The following DOP1A variants were observed in gnomAD, a reference collection of about 807,000 sequenced individuals.
DOP1A encodes protein DOP1A.
In DOP1A, 90 loss-of-function variants were observed where a neutral mutation model predicts 267.6. That is an observed-to-expected ratio of 0.34 (90% CI 0.28 to 0.40). The LOEUF (loss-of-function observed/expected upper bound fraction) is 0.40. Among genes scored for constraint, DOP1A ranks in the 10% least tolerant of loss-of-function variants. The pLI, the probability that DOP1A is intolerant of heterozygous loss-of-function variation, is 1.00. For synonymous variants in DOP1A, 932 were observed against 999.1 expected, an observed-to-expected ratio of 0.93 and a Z score of 1.27; for missense variants, 2,437 against 2,900.4, an observed-to-expected ratio of 0.84 and a Z score of 3.67.
Position 83,138,714 on chromosome 6 carries a change from G to C in DOP1A, c.4672G>C (p.Gly1558Arg), listed in dbSNP as rs1247975461. The change falls in exon 21 of 39, where the codon GGT becomes CGT. Residue 1558 changes from glycine to arginine, a missense_variant. Coordinates refer to ENST00000349129, the MANE Select transcript of DOP1A (RefSeq NM_015018.4). ...TAAGAACCTGGTTGCTGTGGAAGAA[G>C]GTTTCTCAGAGGACAGCCTTATTAA... Reference protein sequence around the residue: ...AGKNLVAVEEGFSEDSLINFS... With the variant: ...AGKNLVAVEERFSEDSLINFS... 4 of 1,614,032 alleles carry C rather than the reference G, an allele frequency of 2.5e-6. No homozygotes were observed. Among genetic ancestry groups the C allele is most frequent in the South Asian group, 1.1e-5 (1 of 91,078 alleles).
Position 83,126,964 on chromosome 6 carries a change from G to A in DOP1A, c.1719+1231G>A, listed in dbSNP as rs1200089649. ...ATTGGGAGTGCTGATTGGTTGGCTC[G>A]GGGATGAAATCATAGGGAGTAGAAG... On this transcript the variant is annotated intron_variant, in intron 15 of 38. Transcript: ENST00000349129. 4.6e-5 allele frequency among the ~76,000 whole-genome samples: 7 copies of A among 152,172 alleles called. No individual in the cohort carries two copies. The East Asian group carries it at 7.7e-4, about 17-fold the overall frequency.
chr6:83,140,927 C>T (rs1214896077), intron 23 of DOP1A, among the ~76,000 whole-genome samples: 1 of 151,814 alleles, frequency 6.6e-6, no homozygotes, highest in Non-Finnish European at 1.5e-5. Context: ...TCCTAGAAAA[C>T]AATTTAGCAA....
rs564554331 is a variant in DOP1A, at chr6:83,133,184, A to G, written c.2769+856A>G. On this transcript the variant is annotated intron_variant, in intron 18 of 38. Coordinates refer to ENST00000349129, the MANE Select transcript of DOP1A (RefSeq NM_015018.4). Reference sequence around the variant, plus strand: ...TAACATATTTTTTCAAAATTATTCAAAAATAATAGGTAAGCACTGTATTCT... The same window carrying G: ...TAACATATTTTTTCAAAATTATTCAGAAATAATAGGTAAGCACTGTATTCT... 8.5e-5 allele frequency among the ~76,000 whole-genome samples: 13 copies of G among 152,316 alleles called. No homozygotes were observed. In the South Asian group the frequency reaches 2.7e-3, roughly 32 times the overall value.
chr6:83,104,535 T>C (rs889528162), intron 4 of DOP1A, among the ~76,000 whole-genome samples: 7 of 152,166 alleles, frequency 4.6e-5, no homozygotes, highest in Non-Finnish European at 7.4e-5. Context: ...TTCAAATTGT[T>C]CTCGTATTCT....
chr6:83,119,050 A>C, intron 8 of DOP1A, 63 bp downstream of exon 8: 2 of 1,381,802 alleles, frequency 1.4e-6, no homozygotes, highest in South Asian at 2.3e-5. Context: ...GTCATGTATA[A>C]GTATTACCAA....
intron 27 of DOP1A, among the ~76,000 whole-genome samples, chr6:83,149,987 A>AG (rs1308902097): frequency 8.5e-5 from 13 of 152,172 alleles, no homozygotes; most frequent in African/African-American, 3.1e-4. Context: ...GATTTTGGAG[A>AG]GAGGGTTTGG....
downstream of DOP1A, chr6:83,168,997 T>C: frequency 1.5e-6 from 2 of 1,305,874 alleles, no homozygotes; most frequent in Non-Finnish European, 2.0e-6. Context: ...TATACTTAAG[T>C]CCCAGTATTT....
intron 37 of DOP1A, among the ~76,000 whole-genome samples, chr6:83,162,243 G>A (rs549175276): frequency 2.0e-5 from 3 of 151,772 alleles, no homozygotes; most frequent in Admixed American, 6.6e-5. Flanking sequence ...TCCCATGGTC[G>A]GATATTACTT....
intron 38 of DOP1A, chr6:83,166,337 C>T (rs905303944): frequency 7.0e-5 from 48 of 687,038 alleles, no homozygotes; most frequent in Middle Eastern, 5.1e-4. Flanking sequence ...CTGGCCACTG[C>T]ACTCCTCATC....
Position 83,138,207 on chromosome 6 carries a change from A to G in DOP1A, c.4165A>G (p.Lys1389Glu). The change falls in exon 21 of 39, where the codon AAA becomes GAA. Residue 1389 changes from lysine to glutamate, a missense_variant. Physicochemically the swap from Lys to Glu is moderately conservative, Grantham distance 56. This residue lies in a region of DOP1A where 878 missense variants were observed against 992.9 expected (regional missense o/e 0.88). Coordinates refer to ENST00000349129, the MANE Select transcript of DOP1A (RefSeq NM_015018.4). ...GACTTTGTATGCTTTCTCTGCCATC[A>G]AAGCCATCTTGAAAACTAACCCTAT... ...SRTLYAFSAI[K>E]AILKTNPIAF... 1.9e-6 allele frequency: 3 copies of G among 1,613,762 alleles called. No individual in the cohort carries two copies. The highest frequency in any genetic ancestry group is 2.5e-6 in the Non-Finnish European group (3 of 1,179,874).
At chr6:83,144,569 C>T (rs1377914499) in intron 24 of DOP1A, among the ~76,000 whole-genome samples, 1 of 151,736 alleles carries the variant, frequency 6.6e-6, no homozygotes, top group Admixed American at 6.6e-5. Flanking sequence ...CACATTGCAA[C>T]CAAAAATAAT....
At chr6:83,170,299 G>A (rs1002434518), downstream of DOP1A, 1 of 1,613,704 alleles carries the variant, frequency 6.2e-7, no homozygotes, top group Non-Finnish European at 8.5e-7. Context: ...AACTATCCCA[G>A]CTTACTTGTG....
Position 83,135,882 on chromosome 6 carries a change from A to G in DOP1A, c.3130+4A>G, listed in dbSNP as rs760636922. On this transcript the variant is annotated splice_donor_region_variant and intron_variant, in intron 20 of 38. Transcript: ENST00000349129. ...CAAAATTTTGCCTGCAGCAATGGTG[A>G]ATAACACATAGAAGTAGACAGCTTT... The G allele has an allele frequency of 1.2e-6, 2 of 1,613,124 alleles. No homozygotes were observed. The highest frequency in any genetic ancestry group is 8.5e-7 in the Non-Finnish European group (1 of 1,179,366).
intron 1 of DOP1A, among the ~76,000 whole-genome samples, chr6:83,091,677 C>G (rs1161578532): frequency 2.6e-5 from 4 of 152,040 alleles, no homozygotes; most frequent in Non-Finnish European, 4.4e-5. Context: ...ATAAATGACC[C>G]CTATTTTCAT....
intron 38 of DOP1A, chr6:83,165,514 A>T (rs1417026413): frequency 6.4e-6 from 1 of 156,096 alleles, no homozygotes; most frequent in African/African-American, 2.4e-5. Flanking sequence ...TTAAAATAGG[A>T]ACCATTACAA....
In DOP1A at chr6:83,154,042, C is replaced by T; in HGVS notation, c.6388C>T (p.His2130Tyr). 6.2e-7 allele frequency: 1 copy of T among 1,613,828 alleles called. No individual in the cohort carries two copies. Among genetic ancestry groups the T allele is most frequent in the Non-Finnish European group, 8.5e-7 (1 of 1,179,924 alleles). ...FFQMDASCVN[H>Y]WRAIMDNLMT... ...TCAGATGGATGCCTCTTGTGTTAAT[C>T]AGTAAGTTGCCCTCTTATTTGTATT... is the stretch of plus-strand genomic sequence containing the variant. The change falls in exon 32 of 39, where the codon CAT (histidine) becomes TAT (tyrosine). Residue 2130 changes from histidine (H) to tyrosine (Y), a missense_variant and splice_region_variant. Around this residue, in one of 9 missense-constraint regions of DOP1A, gnomAD observed 216 missense variants for 283.3 expected, o/e 0.76. Transcript: ENST00000349129.
intron 7 of DOP1A, among the ~76,000 whole-genome samples, chr6:83,116,123 A>G (rs1420060201): frequency 6.6e-6 from 1 of 152,230 alleles, no homozygotes; most frequent in Non-Finnish European, 1.5e-5. Context: ...TGGAAAATCG[A>G]GGAGTATTTC....
In DOP1A at chr6:83,151,866, CT is replaced by C; in HGVS notation, c.5905-15del. 1 of 1,611,920 alleles carries C rather than the reference CT, an allele frequency of 6.2e-7. No individual in the cohort carries two copies. Among genetic ancestry groups the C allele is most frequent in the Non-Finnish European group, 8.5e-7 (1 of 1,178,520 alleles). ...CATGTGTGTACCATACATAGTTGTT[CT>C]TCCTTATTTTTTTAGGATGTAACTC... On this transcript the variant is annotated splice_polypyrimidine_tract_variant and intron_variant, in intron 28 of 38. Coordinates refer to ENST00000349129, the MANE Select transcript of DOP1A (RefSeq NM_015018.4).
At position 83,166,751 on chromosome 6, in the gene DOP1A, A is replaced by T. The variant is rs550203370; in HGVS notation, c.7093-1111A>T. On this transcript the variant is annotated intron_variant, in intron 38 of 38. Transcript: ENST00000349129. Reference sequence around the variant, plus strand: ...AGCTTGAGAGCACATAGAAGAAAATAAGCTGGATTTTGCATCTGCTTGACC... The same window carrying T: ...AGCTTGAGAGCACATAGAAGAAAATTAGCTGGATTTTGCATCTGCTTGACC... 3 of 1,119,566 alleles carry T rather than the reference A, an allele frequency of 2.7e-6. No homozygotes were observed. In the South Asian group the frequency reaches 1.2e-4, roughly 44 times the overall value. 69.4% of individuals were successfully genotyped at this position (1,119,566 alleles called of 1,614,324 possible).
Sources: allele counts gnomAD v4.1 joint callset (sites outside exome capture counted in the v4.1 genomes callset), GRCh38; gene constraint gnomAD v4.1.1; regional missense constraint gnomAD v4.1.1; transcripts MANE v1.5; gene names NCBI Gene and HGNC (gene_info 2026-07-23, HGNC 2026-07-21).